Variants in USF3 observed in about 807,000 individuals in gnomAD.
USF3 encodes the protein upstream transcription factor family member 3, also known as basic helix-loop-helix domain-containing protein USF3.
A neutral mutation model predicts 157.5 loss-of-function variants in USF3; 29 were observed. The ratio of observed to expected loss-of-function variants is 0.18; its 90% CI spans 0.14 to 0.25. The LOEUF is 0.25. USF3 is among the 10% of genes least tolerant of loss of function. USF3 has a pLI of 1.00. For missense variants in USF3, 2,381 were observed against 2,667.6 expected (o/e 0.89, Z 2.37); for synonymous variants, 893 against 941.4 (o/e 0.95, Z 0.94).
At chr3:113,696,180 G>C (rs1300680163) in intron 1 of USF3, among the ~76,000 whole-genome samples, 190 bp downstream of exon 1, 1 of 152,210 alleles carries the variant, frequency 6.6e-6, no homozygotes, top group East Asian at 1.9e-4. Flanking sequence ...CGCCGCGGGC[G>C]CTGACGCCCC....
rs1352737768 is a variant in USF3, at chr3:113,654,316, G to A, written c.*628C>T. 6.6e-6 allele frequency: 1 copy of A among 152,590 alleles called. No individual in the cohort carries two copies. The highest frequency in any genetic ancestry group is 1.5e-5 in the Non-Finnish European group (1 of 68,030). 9.5% of individuals were successfully genotyped at this position (152,590 alleles called of 1,614,324 possible). A position where few individuals can be genotyped will look rare whatever the true frequency, so the allele number is the denominator to read the frequency against. On this transcript the variant is annotated 3_prime_UTR_variant, in exon 7 of 7. Transcript: ENST00000316407. ...AAAGGGTAACACAGCTCCCTAATTTGAAGAACAAGACATAAAATTCAGATA... is the reference window on the plus strand; with the variant it reads ...AAAGGGTAACACAGCTCCCTAATTTAAAGAACAAGACATAAAATTCAGATA...
At position 113,654,989 on chromosome 3, in the gene USF3, A is replaced by G. The variant is rs1435457578; in HGVS notation, c.6693T>C (p.His2231=). Residue 2231 remains histidine, a synonymous_variant, in exon 7 of 7, where the codon CAT becomes CAC. Coordinates refer to ENST00000316407, the MANE Select transcript of USF3 (RefSeq NM_001009899.4). ...SSKQSSNRPA[H]NISHILGHDC... ...CATGACCTAGAATATGGCTTATGTT[A>G]TGGGCAGGTCTGTTTGAGGACTGCT... The G allele has an allele frequency of 1.2e-6, 2 of 1,614,028 alleles. No homozygotes were observed.
At chr3:113,676,353 A>C (rs1474206647) in intron 2 of USF3, among the ~76,000 whole-genome samples, 1 of 152,196 alleles carries the variant, frequency 6.6e-6, no homozygotes, top group Non-Finnish European at 1.5e-5. Context: ...ACTGACTCAC[A>C]GTTCTGCAGG....
Position 113,674,869 on chromosome 3 carries a change from T to C in USF3, c.10A>G (p.Met4Val). MPEMTENETPTKKQ... is the reference protein window; with the variant it reads MPEVTENETPTKKQ... ...TTTGTAGGCGTCTCATTCTCTGTCA[T>C]TTCTGGCATGGTTACAGTAATAGGA... The change falls in exon 3 of 7, where the codon ATG becomes GTG. Residue 4 changes from methionine (M) to valine (V), a missense_variant. This residue lies in a region of USF3 where 105 missense variants were observed against 158.6 expected (regional missense o/e 0.66). Coordinates refer to ENST00000316407, the MANE Select transcript of USF3 (RefSeq NM_001009899.4). The C allele has an allele frequency of 1.2e-6, 2 of 1,613,284 alleles. No homozygotes were observed. Among genetic ancestry groups the C allele is most frequent in the Non-Finnish European group, 1.7e-6 (2 of 1,179,266 alleles).
Position 113,660,378 on chromosome 3 carries a change from G to A in USF3, c.1304C>T (p.Thr435Ile). The change falls in exon 7 of 7, where the codon ACT becomes ATT. Residue 435 changes from threonine (T) to isoleucine (I), a missense_variant. This residue lies in a region of USF3 where 1,435 missense variants were observed against 1,550.9 expected (regional missense o/e 0.93). Coordinates refer to ENST00000316407, the MANE Select transcript of USF3 (RefSeq NM_001009899.4). ...AATAGTGTTTCCTGCCAGTTGCAAAGTAGTCCACGTTGTCTGTGTGTTTCC... is the reference window on the plus strand; with the variant it reads ...AATAGTGTTTCCTGCCAGTTGCAAAATAGTCCACGTTGTCTGTGTGTTTCC... ...SAGNTQTTWT[T>I]LQLAGNTIQP... is the part of the protein sequence containing the mutation. The A allele has an allele frequency of 6.2e-7, 1 of 1,614,194 alleles. No homozygotes were observed. The highest frequency in any genetic ancestry group is 8.5e-7 in the Non-Finnish European group (1 of 1,180,014).
In USF3 at chr3:113,656,325, A is replaced by G. The variant is rs754040784; in HGVS notation, c.5357T>C (p.Ile1786Thr). ...RISQNTGPPP[I>T]DRQKRLSYPP... ...GTAAGATAATCTCTTTTGACGGTCA[A>G]TTGGTGGGGGGCCAGTGTTTTGACT... The change falls in exon 7 of 7, where the codon ATT (isoleucine) becomes ACT (threonine). Residue 1786 changes from isoleucine (I) to threonine (T), a missense_variant. By Grantham distance (89) the Ile-to-Thr change is moderately conservative. Around this residue, in one of 6 missense-constraint regions of USF3, gnomAD observed 770 missense variants for 824.2 expected, o/e 0.93. Coordinates refer to ENST00000316407, the MANE Select transcript of USF3 (RefSeq NM_001009899.4). The G allele has an allele frequency of 3.0e-5, 48 of 1,614,056 alleles. No individual in the cohort carries two copies. The highest frequency in any genetic ancestry group is 1.1e-4 in the South Asian group (10 of 91,096).
rs779786684 is a variant in USF3, at chr3:113,660,427, T to A, written c.1255A>T (p.Ser419Cys). ...VSTSDLKNINSLTRISSAGNT... is the reference protein window; with the variant it reads ...VSTSDLKNINCLTRISSAGNT... The stretch of plus-strand genomic sequence containing the variant: ...CCAGCTGAAGAGATTCGTGTAAGGC[T>A]ATTAATGTTTTTCAAATCTGAAGTA... The change falls in exon 7 of 7, where the codon AGC becomes TGC. Residue 419 changes from serine to cysteine, a missense_variant. Transcript: ENST00000316407. 6.2e-7 allele frequency: 1 copy of A among 1,614,172 alleles called. No individual in the cohort carries two copies. The highest frequency in any genetic ancestry group is 8.5e-7 in the Non-Finnish European group (1 of 1,180,006).
rs752665388 is a variant in USF3, at chr3:113,659,929, C to T, written c.1753G>A (p.Ala585Thr). ...TVGQQIVIIQ[A>T]ANQNPLPLLP... Reference sequence around the variant, plus strand: ...AGTGGCAAAGGATTCTGATTAGCAGCCTGTATGATTACTATCTGTTGACCT... The same window carrying T: ...AGTGGCAAAGGATTCTGATTAGCAGTCTGTATGATTACTATCTGTTGACCT... The change falls in exon 7 of 7, where the codon GCT (alanine) becomes ACT (threonine). Residue 585 changes from alanine (A) to threonine (T), a missense_variant. Around this residue, in one of 6 missense-constraint regions of USF3, gnomAD observed 1,435 missense variants for 1,550.9 expected, o/e 0.93. Transcript: ENST00000316407. 9 of 1,614,152 alleles carry T rather than the reference C, an allele frequency of 5.6e-6. No individual in the cohort carries two copies. In the South Asian group the frequency reaches 7.7e-5, roughly 14 times the overall value.
chr3:113,685,319 G>C (rs1707523224), intron 1 of USF3, among the ~76,000 whole-genome samples: 1 of 152,128 alleles, frequency 6.6e-6, no homozygotes, highest in African/African-American at 2.4e-5. Flanking sequence ...CACAGTATTG[G>C]GTTTCGCCCA....
intron 1 of USF3, among the ~76,000 whole-genome samples, chr3:113,688,933 A>T (rs1434129654): frequency 6.6e-6 from 1 of 152,156 alleles, no homozygotes; most frequent in Non-Finnish European, 1.5e-5. Context: ...CGGGAGGCTG[A>T]GGCCGGAGAA....
In USF3 at chr3:113,652,106, A is replaced by AGTGT. The variant is rs1403967850; in HGVS notation, c.*2837_*2838insACAC. 1.2e-4 allele frequency: 16 copies of AGTGT among 130,036 alleles called. No homozygotes were observed. The highest frequency in any genetic ancestry group is 3.7e-4 in the African/African-American group (13 of 35,084). 8.1% of individuals were successfully genotyped at this position (130,036 alleles called of 1,614,324 possible). A position where few individuals can be genotyped will look rare whatever the true frequency, so the allele number is the denominator to read the frequency against. The stretch of plus-strand genomic sequence containing the variant: ...ACTGGAGAGAGAGAGAGAGAGAGAG[A>AGTGT]GAGTGTGTGTGTGTGTGTGTGTGTG... On this transcript the variant is annotated 3_prime_UTR_variant, in exon 7 of 7. Transcript: ENST00000316407.
In USF3 at chr3:113,655,659, T is replaced by C; in HGVS notation, c.6023A>G (p.Asp2008Gly). ...SGNQRQSTVFDPSLPHLPLST... is the reference protein window; with the variant it reads ...SGNQRQSTVFGPSLPHLPLST... Reference sequence around the variant, plus strand: ...GAGAGGAAGATGGGGAAGACTTGGATCAAAGACAGTACTTTGCCTTTGGTT... The same window carrying C: ...GAGAGGAAGATGGGGAAGACTTGGACCAAAGACAGTACTTTGCCTTTGGTT... Residue 2008 changes from aspartate to glycine, a missense_variant, in exon 7 of 7, where the codon GAT becomes GGT. This residue lies in a region of USF3 where 770 missense variants were observed against 824.2 expected (regional missense o/e 0.93). Coordinates refer to ENST00000316407, the MANE Select transcript of USF3 (RefSeq NM_001009899.4). 1 of 1,614,052 alleles carries C rather than the reference T, an allele frequency of 6.2e-7. No homozygotes were observed. The highest frequency in any genetic ancestry group is 8.5e-7 in the Non-Finnish European group (1 of 1,179,918).
intron 1 of USF3, among the ~76,000 whole-genome samples, chr3:113,679,568 C>A (rs896268945): frequency 1.3e-5 from 2 of 152,034 alleles, no homozygotes; most frequent in Non-Finnish European, 2.9e-5. Flanking sequence ...CACCTGGCAC[C>A]ATACCCAGCT....
intron 1 of USF3, among the ~76,000 whole-genome samples, chr3:113,682,892 C>CA (rs1401100247): frequency 1.7e-5 from 2 of 120,202 alleles, no homozygotes; most frequent in Non-Finnish European, 3.6e-5. Context: ...GATCGCTGGG[C>CA]TTTTTTTTTT....
rs1559712198 is a variant in USF3 at position 113,661,242 on chromosome 3, A to C, written c.440T>G (p.Ile147Ser). The change falls in exon 7 of 7, where the codon ATT becomes AGT. Residue 147 changes from isoleucine to serine, a missense_variant. Coordinates refer to ENST00000316407, the MANE Select transcript of USF3 (RefSeq NM_001009899.4). ...CTGATTCCCGTTGGAATAAACAATA[A>C]TTTTTTTTTGAACCTGGTCACTAGG... is the stretch of plus-strand genomic sequence containing the variant. ...VIPSDQVQKK[I>S]IVYSNGNQPG... The C allele has an allele frequency of 6.2e-7, 1 of 1,608,046 alleles. No homozygotes were observed. Among genetic ancestry groups the C allele is most frequent in the African/African-American group, 1.3e-5 (1 of 74,694 alleles).
Position 113,654,877 on chromosome 3 carries a change from T to C in USF3, c.*67A>G, listed in dbSNP as rs1038273400. The stretch of plus-strand genomic sequence containing the variant: ...CAATCCTTCTCTTCATGTACATGTC[T>C]GTGCACATGCACGCACAAATACATT... On this transcript the variant is annotated 3_prime_UTR_variant, in exon 7 of 7. Coordinates refer to ENST00000316407, the MANE Select transcript of USF3 (RefSeq NM_001009899.4). 1.3e-6 allele frequency: 2 copies of C among 1,503,448 alleles called. No individual in the cohort carries two copies. Among genetic ancestry groups the C allele is most frequent in the Non-Finnish European group, 1.8e-6 (2 of 1,109,534 alleles). 93.1% of individuals were successfully genotyped at this position (1,503,448 alleles called of 1,614,324 possible).
In USF3 at chr3:113,657,446, T is replaced by C. The variant is rs773867791; in HGVS notation, c.4236A>G (p.Ala1412=). 21 of 1,614,166 alleles carry C rather than the reference T, an allele frequency of 1.3e-5. No individual in the cohort carries two copies. The South Asian group carries it at 2.1e-4, about 16-fold the overall frequency. ...CACACTGAACTTCAGTTTGCCTCAA[T>C]GCAGGAGTCACAAAGTTGTTACTAG... is the stretch of plus-strand genomic sequence containing the variant. ...FPPSNNFVTP[A]LRQTEVQCGS... Residue 1412 remains alanine, a synonymous_variant, in exon 7 of 7, where the codon GCA becomes GCG. Coordinates refer to ENST00000316407, the MANE Select transcript of USF3 (RefSeq NM_001009899.4).
intron 2 of USF3, 149 bp from the exon 3 acceptor site, chr3:113,675,045 A>G: frequency 1.6e-6 from 1 of 617,606 alleles, no homozygotes; most frequent in South Asian, 1.9e-5. Context: ...AGATAGAAAG[A>G]AGTATAAGAA....
chr3:113,675,770 C>T (rs1577044677), intron 2 of USF3, among the ~76,000 whole-genome samples: 1 of 152,182 alleles, frequency 6.6e-6, no homozygotes, highest in East Asian at 1.9e-4. Context: ...GTCACAGCTC[C>T]ACAGTGCTGG....
Sources: allele counts gnomAD v4.1 joint callset (sites outside exome capture counted in the v4.1 genomes callset), GRCh38; gene constraint gnomAD v4.1.1; regional missense constraint gnomAD v4.1.1; transcripts MANE v1.5; gene names NCBI Gene and HGNC (gene_info 2026-07-23, HGNC 2026-07-21).